JAZF1: variants seen among roughly 807,000 people sequenced by gnomAD.
The protein encoded by JAZF1 is juxtaposed with another zinc finger protein 1.
In JAZF1, 8 loss-of-function variants were observed where a neutral mutation model predicts 26.4. That is an observed-to-expected ratio of 0.30 (90% CI 0.18 to 0.55). The LOEUF is 0.55. JAZF1 is among the 20% of genes least tolerant of loss of function. JAZF1 has a pLI of 0.94. For synonymous variants in JAZF1, 126 were observed against 122.3 expected (o/e 1.03, Z -0.20); for missense variants, 199 against 322.0 (o/e 0.62, Z 2.92).
intron 1 of JAZF1, among the ~76,000 whole-genome samples, chr7:28,006,466 C>T (rs1330126945): frequency 6.6e-6 from 1 of 152,114 alleles, no homozygotes; most frequent in Non-Finnish European, 1.5e-5. Flanking sequence ...TTAGTGCTTG[C>T]GTTGTGGGAC....
chr7:27,946,930 T>C (rs1001849692), intron 2 of JAZF1, among the ~76,000 whole-genome samples: 1 of 152,218 alleles, frequency 6.6e-6, no homozygotes, highest in Non-Finnish European at 1.5e-5. Context: ...TATGTAAATA[T>C]ATGCTACTGC....
At chr7:27,988,877 A>AG (rs1356717867) in intron 2 of JAZF1, among the ~76,000 whole-genome samples, 61 of 146,954 alleles carry the variant, frequency 4.2e-4, no homozygotes, top group Admixed American at 2.8e-4. Context: ...TTGTAATATA[A>AG]TTCTTTTATG....
intron 1 of JAZF1, among the ~76,000 whole-genome samples, chr7:28,031,873 C>G (rs969939804): frequency 2.6e-5 from 4 of 151,934 alleles, no homozygotes; most frequent in Non-Finnish European, 5.9e-5. Context: ...GCATATGTAC[C>G]CCAGAACTTT....
At chr7:28,170,787 A>G (rs895730972) in intron 1 of JAZF1, among the ~76,000 whole-genome samples, 6 of 152,108 alleles carry the variant, frequency 3.9e-5, no homozygotes, top group Admixed American at 3.9e-4. Flanking sequence ...AAATGCAAAC[A>G]TCTTGTAAAA....
intron 3 of JAZF1, among the ~76,000 whole-genome samples, chr7:27,883,709 T>C (rs752990807): frequency 6.6e-6 from 1 of 152,206 alleles, no homozygotes; most frequent in African/African-American, 2.4e-5. Context: ...ACTTTGGGTA[T>C]TGGAAGACGT....
chr7:28,154,222 C>T (rs1783148183), intron 1 of JAZF1, among the ~76,000 whole-genome samples: 1 of 152,164 alleles, frequency 6.6e-6, no homozygotes, highest in Admixed American at 6.5e-5. Context: ...GCTACAATCC[C>T]ACAAGTTGAT....
chr7:28,033,672 G>T (rs1164272030), intron 1 of JAZF1, among the ~76,000 whole-genome samples: 1 of 152,158 alleles, frequency 6.6e-6, no homozygotes, highest in Non-Finnish European at 1.5e-5. Flanking sequence ...CAAATGACAT[G>T]CACCTCTTTC....
intron 3 of JAZF1, among the ~76,000 whole-genome samples, chr7:27,853,974 A>G (rs1169583202): frequency 6.6e-6 from 1 of 152,220 alleles, no homozygotes; most frequent in Non-Finnish European, 1.5e-5. Context: ...GTGGAGTGTT[A>G]AAGTCTCCCA....
intron 1 of JAZF1, among the ~76,000 whole-genome samples, chr7:28,010,174 C>T (rs1321734917): frequency 1.3e-5 from 2 of 152,196 alleles, no homozygotes; most frequent in South Asian, 2.1e-4. Flanking sequence ...CACTGTTTTA[C>T]ACAGTCTCTC....
chr7:28,090,471 AT>A (rs1784276194), intron 1 of JAZF1, among the ~76,000 whole-genome samples: 1 of 152,262 alleles, frequency 6.6e-6, no homozygotes, highest in African/African-American at 2.4e-5. Flanking sequence ...TCTAGTATAA[AT>A]TCTAGGCCAA....
chr7:27,866,155 C>A (rs998201689), intron 3 of JAZF1, among the ~76,000 whole-genome samples: 4 of 152,216 alleles, frequency 2.6e-5, no homozygotes, highest in African/African-American at 4.8e-5. Flanking sequence ...TGACACAGTG[C>A]ACGTAGGCAT....
rs745587266 is a variant in JAZF1, at chr7:27,969,544, G to GA, written c.188+22364dup. The stretch of plus-strand genomic sequence containing the variant: ...ATGCACTAACTCACATCAAGCCAGG[G>GA]AAAAAAGCTCCTGGGACAAGACTGA... On this transcript the variant is annotated intron_variant, in intron 2 of 4. Transcript: ENST00000283928. Among the ~76,000 whole-genome samples, 6 of 152,102 alleles carry GA rather than the reference G, an allele frequency of 3.9e-5. No individual in the cohort carries two copies. In the South Asian group the frequency reaches 1.2e-3, roughly 32 times the overall value.
chr7:27,935,583 G>C (rs1201735889), intron 2 of JAZF1, among the ~76,000 whole-genome samples: 2 of 152,186 alleles, frequency 1.3e-5, no homozygotes, highest in Admixed American at 1.3e-4. Flanking sequence ...TACGTGGTTT[G>C]AGAGATGACA....
intron 1 of JAZF1, among the ~76,000 whole-genome samples, chr7:28,078,475 T>C (rs1411827208): frequency 1.3e-5 from 2 of 152,222 alleles, no homozygotes; most frequent in Non-Finnish European, 2.9e-5. Context: ...CACTGCCCTC[T>C]TGCGGTAGGC....
intron 1 of JAZF1, among the ~76,000 whole-genome samples, chr7:28,149,921 C>T (rs1489097131): frequency 6.6e-6 from 1 of 152,202 alleles, no homozygotes; most frequent in Non-Finnish European, 1.5e-5. Context: ...CTGGCAGGAG[C>T]CTCAGCAGTG....
intron 1 of JAZF1, among the ~76,000 whole-genome samples, chr7:28,109,437 G>A (rs1784604746): frequency 6.6e-6 from 1 of 152,052 alleles, no homozygotes; most frequent in African/African-American, 2.4e-5. Flanking sequence ...CCTTATTCAG[G>A]TAACTGATAC....
intron 1 of JAZF1, among the ~76,000 whole-genome samples, chr7:28,163,682 T>C (rs1783324943): frequency 1.3e-5 from 2 of 152,328 alleles, no homozygotes; most frequent in South Asian, 4.1e-4. Flanking sequence ...CAAGTCCCAA[T>C]TTCCCTGCCT....
chr7:27,869,832 A>C lies in JAZF1; in HGVS notation c.385+25388T>G, dbSNP rs377695490. ...AGGGCTGACTTTCTGTGCAAAGTAA[A>C]GGGAGGCTGGTTTGAATTTCTGTGT... On this transcript the variant is annotated intron_variant, in intron 3 of 4. Transcript: ENST00000283928. 2.2e-4 allele frequency among the ~76,000 whole-genome samples: 34 copies of C among 152,322 alleles called. No individual in the cohort carries two copies. In the East Asian group the frequency reaches 5.2e-3, roughly 23 times the overall value.
At chr7:27,862,587 G>C (rs902548599) in intron 3 of JAZF1, among the ~76,000 whole-genome samples, 1 of 152,184 alleles carries the variant, frequency 6.6e-6, no homozygotes, top group Non-Finnish European at 1.5e-5. Flanking sequence ...CTATTAGGTT[G>C]CTCCAGATCT....
Sources: gnomAD v4.1 joint callset for allele counts (sites outside exome capture counted in the v4.1 genomes callset) on GRCh38, gnomAD v4.1.1 for gene constraint, MANE v1.5 for transcripts, NCBI Gene and HGNC (gene_info 2026-07-23, HGNC 2026-07-21) for gene names.